Variants in DOCK8 observed in about 807,000 individuals in gnomAD.
DOCK8 encodes the protein dedicator of cytokinesis protein 8.
In DOCK8, 141 loss-of-function variants were observed where a neutral mutation model predicts 245.6. The observed-to-expected ratio is 0.57, with a 90% CI of 0.50 to 0.66. The LOEUF is 0.66. DOCK8 is among the 30% of genes least tolerant of loss of function. The pLI, the probability that DOCK8 is intolerant of heterozygous loss-of-function variation, is 0.00. For missense variants in DOCK8, 2,965 were observed against 2,603.4 expected (o/e 1.14, Z -3.02); for synonymous variants, 1,168 against 970.2 (o/e 1.20, Z -3.79).
intron 1 of DOCK8, among the ~76,000 whole-genome samples, chr9:248,137 G>A (rs1469592966): frequency 6.6e-6 from 1 of 152,176 alleles, no homozygotes; most frequent in Admixed American, 6.5e-5. Flanking sequence ...GTGGCTTTCC[G>A]TGAACAGCAT....
chr9:446,099 C>G (rs2131840505), intron 43 of DOCK8, among the ~76,000 whole-genome samples: 1 of 152,372 alleles, frequency 6.6e-6, no homozygotes, highest in Non-Finnish European at 1.5e-5. Flanking sequence ...AAGGCTTCCA[C>G]TGTGGATCAG....
At chr9:300,370 C>T (rs2049481871) in intron 4 of DOCK8, among the ~76,000 whole-genome samples, 1 of 152,070 alleles carries the variant, frequency 6.6e-6, no homozygotes, top group Admixed American at 6.5e-5. Flanking sequence ...ACCTCATGTC[C>T]CTTTACCAGC....
chr9:214,315 G>T, upstream of DOCK8: 1 of 590,942 alleles, frequency 1.7e-6, no homozygotes, highest in South Asian at 2.2e-5. Context: ...AGGTTGTGAC[G>T]AAAACATTTT....
intron 23 of DOCK8, among the ~76,000 whole-genome samples, chr9:388,818 T>G (rs1473623235): frequency 2.0e-5 from 3 of 152,164 alleles, no homozygotes; most frequent in Admixed American, 2.0e-4. Context: ...CCTCCCAAAG[T>G]GCTAGGATTA....
chr9:246,016 T>C (rs1563836995), intron 1 of DOCK8, among the ~76,000 whole-genome samples: 1 of 152,064 alleles, frequency 6.6e-6, no homozygotes. Flanking sequence ...GCTCAGGAGT[T>C]CTAGACCAAC....
chr9:289,628 A>G lies in DOCK8; in HGVS notation c.404+47A>G, dbSNP rs768522570. 3.8e-5 allele frequency: 56 copies of G among 1,478,256 alleles called. 1 individual carries two copies. Among genetic ancestry groups the G allele is most frequent in the South Asian group, 1.2e-4 (10 of 82,770 alleles). The allele number at this position is 1,478,256 out of a possible 1,614,324, so 91.6% of individuals were successfully genotyped here. Reference sequence around the variant, plus strand: ...TTTTGTATATAAATATTAATTTTATATTGCTAGTTTTTAAATATTTCTTAA... The same window carrying G: ...TTTTGTATATAAATATTAATTTTATGTTGCTAGTTTTTAAATATTTCTTAA... On this transcript the variant is annotated intron_variant, in intron 4 of 47. Transcript: ENST00000432829.
chr9:425,435 A>G lies in DOCK8; in HGVS notation c.4242-1450A>G, dbSNP rs549533837. ...TAGTCCCAGCTACTCGGGAGGCTGAAGCAGGAGAATGGCGTGAACCCGGGA... is the reference window on the plus strand; with the variant it reads ...TAGTCCCAGCTACTCGGGAGGCTGAGGCAGGAGAATGGCGTGAACCCGGGA... On this transcript the variant is annotated intron_variant, in intron 33 of 47. Coordinates refer to ENST00000432829, the MANE Select transcript of DOCK8 (RefSeq NM_203447.4). Among the ~76,000 whole-genome samples, 1,384 of 151,756 alleles carry G rather than the reference A, an allele frequency of 9.1e-3. 10 individuals are homozygous for G. The highest frequency in any genetic ancestry group is 0.021 in the African/African-American group (854 of 41,346).
At chr9:214,554 C>G, upstream of DOCK8, 2 of 1,613,904 alleles carry the variant, frequency 1.2e-6, no homozygotes, top group Non-Finnish European at 1.7e-6. Flanking sequence ...CTTTGTGGGG[C>G]TCCCCCGACT....
chr9:452,931 G>T (rs1196864800), intron 46 of DOCK8: 2 of 152,166 alleles, frequency 1.3e-5, no homozygotes, highest in Non-Finnish European at 2.9e-5. Context: ...GAGTATGAAG[G>T]ATGTGATGGC....
At chr9:325,796 A>C in intron 8 of DOCK8, 59 bp downstream of exon 8, 1 of 1,430,234 alleles carries the variant, frequency 7.0e-7, no homozygotes, top group Non-Finnish European at 9.6e-7. Context: ...GATTCTTTGC[A>C]TGTATGTTTT....
chr9:368,812 CTTTTTTTCTTTTT>C (rs1480954510), intron 15 of DOCK8: 2 of 104,936 alleles, frequency 1.9e-5, no homozygotes, highest in African/African-American at 4.2e-5. Context: ...AACTTTCTTT[CTTTTTTTCTTTTT>C]TTTTTTTTTT....
At position 400,262 on chromosome 9, in the gene DOCK8, C is replaced by T. The variant is rs1315947786; in HGVS notation, c.3234+1003C>T. On this transcript the variant is annotated intron_variant, in intron 26 of 47. Coordinates refer to ENST00000432829, the MANE Select transcript of DOCK8 (RefSeq NM_203447.4). ...ACCACCACCTCCACCATCACCACCA[C>T]CTCCACCATCACCACCACTTCCTTC... Among the ~76,000 whole-genome samples the T allele has an allele frequency of 5.2e-3, 439 of 84,080 alleles. 2 individuals carry two copies. Among genetic ancestry groups the T allele is most frequent in the African/African-American group, 0.034 (409 of 12,120 alleles). The allele number at this position is 84,080 out of a possible 152,430, so 55.2% of individuals were successfully genotyped here.
At chr9:449,972 AG>A in intron 45 of DOCK8, 45 bp downstream of exon 45, 1 of 1,608,654 alleles carries the variant, frequency 6.2e-7, no homozygotes, top group Admixed American at 1.7e-5. Flanking sequence ...CTTATTATTT[AG>A]GTTGTCATTA....
At chr9:375,393 A>C (rs77236790) in intron 18 of DOCK8, among the ~76,000 whole-genome samples, 3,375 of 152,344 alleles carry the variant, frequency 0.022, 63 homozygotes, top group Non-Finnish European at 0.035. Context: ...TTGAGTAATT[A>C]AAGCAGGAGC....
At chr9:387,442 CAA>C (rs139131854) in intron 23 of DOCK8, among the ~76,000 whole-genome samples, 50 of 77,000 alleles carry the variant, frequency 6.5e-4, no homozygotes, top group African/African-American at 1.3e-3. Flanking sequence ...GACTCCATTT[CAA>C]AAAAAAAAAA....
chr9:426,854 C>G, intron 33 of DOCK8, 31 bp from the exon 34 acceptor site: 1 of 1,591,682 alleles, frequency 6.3e-7, no homozygotes, highest in Non-Finnish European at 8.6e-7. Flanking sequence ...GTTTGACATG[C>G]GCTTTAATTT....
chr9:218,781 C>T (rs1399804931), intron 1 of DOCK8, among the ~76,000 whole-genome samples: 1 of 152,154 alleles, frequency 6.6e-6, no homozygotes, highest in East Asian at 1.9e-4. Flanking sequence ...AAAACATTAA[C>T]CCTCTTGTGG....
chr9:427,574 G>C (rs1251045201), intron 34 of DOCK8, among the ~76,000 whole-genome samples: 2 of 152,092 alleles, frequency 1.3e-5, no homozygotes, highest in Non-Finnish European at 2.9e-5. Context: ...AGCTGTCTAG[G>C]TAATAATGAG....
chr9:241,979 C>T (rs528942549), intron 1 of DOCK8, among the ~76,000 whole-genome samples: 2 of 152,224 alleles, frequency 1.3e-5, no homozygotes, highest in South Asian at 4.1e-4. Flanking sequence ...TCAACTGTTT[C>T]TCCACAAAGA....
Sources: gnomAD v4.1 joint callset for allele counts (sites outside exome capture counted in the v4.1 genomes callset) on GRCh38, gnomAD v4.1.1 for gene constraint, MANE v1.5 for transcripts, NCBI Gene and HGNC (gene_info 2026-07-23, HGNC 2026-07-21) for gene names.